The following LIN28B variants were observed in gnomAD, a reference collection of about 807,000 sequenced individuals.
LIN28B encodes the protein protein lin-28 homolog B.
LIN28B carries 5 observed loss-of-function variants against 21.9 expected under a neutral mutation model. The observed-to-expected ratio is 0.23, with a 90% CI of 0.12 to 0.48. The LOEUF is 0.48. Ranked by LOEUF, LIN28B falls within the 20% of genes least tolerant of loss-of-function variation. The probability of loss-of-function intolerance (pLI) is 0.98; values close to 1 mark genes in which losing one functional copy is unlikely to be tolerated. For synonymous variants in LIN28B, 109 were observed against 111.3 expected (o/e 0.98, Z 0.13); for missense variants, 245 against 310.5 (o/e 0.79, Z 1.58).
At chr6:105,049,232 T>C (rs1014183963) in intron 3 of LIN28B, among the ~76,000 whole-genome samples, 2 of 152,212 alleles carry the variant, frequency 1.3e-5, no homozygotes, top group Non-Finnish European at 2.9e-5. Context: ...AAAGAGCATC[T>C]TTATTTCTGC....
At chr6:104,960,221 TATAC>T (rs1185586989) in intron 2 of LIN28B, among the ~76,000 whole-genome samples, 1 of 152,116 alleles carries the variant, frequency 6.6e-6, no homozygotes, top group Non-Finnish European at 1.5e-5. Context: ...TATATTGTAA[TATAC>T]ATAAATTGTA....
chr6:105,044,731 G>T (rs1055794113), intron 3 of LIN28B, among the ~76,000 whole-genome samples: 1 of 152,080 alleles, frequency 6.6e-6, no homozygotes, highest in African/African-American at 2.4e-5. Flanking sequence ...ATAGTTTTAG[G>T]GGTACAAGTG....
intron 2 of LIN28B, among the ~76,000 whole-genome samples, chr6:105,002,618 T>C (rs935772346): frequency 4.6e-5 from 7 of 152,220 alleles, no homozygotes; most frequent in African/African-American, 1.7e-4. Flanking sequence ...AGAGCAAATA[T>C]AGAACATATC....
chr6:105,027,178 ATACT>A (rs998532386), intron 3 of LIN28B, among the ~76,000 whole-genome samples: 4 of 152,154 alleles, frequency 2.6e-5, no homozygotes, highest in African/African-American at 9.7e-5. Context: ...TTTAGGGTAA[ATACT>A]TAATAGTGAA....
rs1299586426 is a variant in LIN28B at position 104,960,563 on chromosome 6, T to C, written c.198+2277T>C. On this transcript the variant is annotated intron_variant, in intron 2 of 3. Transcript: ENST00000345080. The stretch of plus-strand genomic sequence containing the variant: ...ATGTCTACTCAAAATTTTTAAAATA[T>C]ATGACATAGTTTTTTTTGAAGTGTT... Among the ~76,000 whole-genome samples, 4 of 152,098 alleles carry C rather than the reference T, an allele frequency of 2.6e-5. No individual in the cohort carries two copies. The East Asian group carries it at 7.7e-4, about 29-fold the overall frequency.
chr6:104,939,369 C>T (rs1286519831), intron 2 of LIN28B: 2 of 152,256 alleles, frequency 1.3e-5, no homozygotes. Context: ...GGTATTCACT[C>T]CACTAGCTCA....
At chr6:104,972,007 G>C (rs924482119) in intron 2 of LIN28B, among the ~76,000 whole-genome samples, 1 of 152,056 alleles carries the variant, frequency 6.6e-6, no homozygotes, top group African/African-American at 2.4e-5. Flanking sequence ...GTCTTGCTCT[G>C]TCTCCCAGGC....
At chr6:105,029,556 G>T (rs149178078) in intron 3 of LIN28B, among the ~76,000 whole-genome samples, 86 of 152,156 alleles carry the variant, frequency 5.7e-4, no homozygotes, top group African/African-American at 2.0e-3. Context: ...TTGAAGCACG[G>T]TCATCAACTG....
At chr6:105,058,018 C>A in intron 3 of LIN28B, 1 of 373,262 alleles carries the variant, frequency 2.7e-6, no homozygotes, top group Non-Finnish European at 5.2e-6. Flanking sequence ...ATTATTTTGT[C>A]TTTTATGATT....
chr6:105,017,322 C>G (rs1771050735), intron 2 of LIN28B, among the ~76,000 whole-genome samples: 1 of 152,060 alleles, frequency 6.6e-6, no homozygotes, highest in Admixed American at 6.6e-5. Flanking sequence ...TGAAAGCATT[C>G]AGCACAGTAC....
At chr6:104,957,093 G>A (rs1396338305), upstream of LIN28B, 10 of 1,536,144 alleles carry the variant, frequency 6.5e-6, no homozygotes, top group African/African-American at 1.4e-5. Flanking sequence ...ACTGGAGAGA[G>A]GAGAGAAAAA....
chr6:105,025,603 C>T (rs1408135363), intron 2 of LIN28B, among the ~76,000 whole-genome samples: 1 of 152,118 alleles, frequency 6.6e-6, no homozygotes, highest in Non-Finnish European at 1.5e-5. Context: ...CAGACCACAT[C>T]TCTATATAAT....
At chr6:105,073,636 TA>T (rs1254555338) in intron 3 of LIN28B, among the ~76,000 whole-genome samples, 3 of 152,312 alleles carry the variant, frequency 2.0e-5, no homozygotes, top group Admixed American at 2.0e-4. Context: ...TATAAATTCT[TA>T]TTAACTTAAA....
At chr6:104,994,552 T>A (rs1038810729) in intron 2 of LIN28B, among the ~76,000 whole-genome samples, 8 of 152,222 alleles carry the variant, frequency 5.3e-5, no homozygotes, top group African/African-American at 1.9e-4. Flanking sequence ...TAGATCCTGT[T>A]GGGAAAATTT....
chr6:105,026,306 A>C lies in LIN28B; in HGVS notation c.207A>C (p.Leu69=), dbSNP rs1771286125. The change falls in exon 3 of 4, where the codon CTA becomes CTC. Residue 69 remains leucine, a synonymous_variant. Transcript: ENST00000345080. ...TCTTCTGCTCTTTACAGAGCAAACTATTCATGGAAGGATTTAGAAGCCTAA... is the reference window on the plus strand; with the variant it reads ...TCTTCTGCTCTTTACAGAGCAAACTCTTCATGGAAGGATTTAGAAGCCTAA... The part of the protein sequence containing the change: ...PVDVFVHQSK[L]FMEGFRSLKE... The C allele has an allele frequency of 6.3e-7, 1 of 1,598,872 alleles. No individual in the cohort carries two copies. Among genetic ancestry groups the C allele is most frequent in the Non-Finnish European group, 8.5e-7 (1 of 1,173,526 alleles).
intron 2 of LIN28B, among the ~76,000 whole-genome samples, chr6:104,966,450 A>G (rs1769860782): frequency 6.6e-6 from 1 of 151,932 alleles, no homozygotes; most frequent in African/African-American, 2.4e-5. Context: ...TTTTAATTAT[A>G]AGAGTTTTTC....
chr6:105,075,448 G>A (rs896249728), intron 3 of LIN28B, among the ~76,000 whole-genome samples: 4 of 152,224 alleles, frequency 2.6e-5, no homozygotes, highest in Admixed American at 2.6e-4. Flanking sequence ...CTCTTAGTAA[G>A]AGTGATTGAC....
At chr6:105,028,779 A>C (rs1195514000) in intron 3 of LIN28B, among the ~76,000 whole-genome samples, 1 of 152,212 alleles carries the variant, frequency 6.6e-6, no homozygotes, top group Non-Finnish European at 1.5e-5. Flanking sequence ...TGGAGTTAAA[A>C]AATTGGCAAC....
intron 2 of LIN28B, among the ~76,000 whole-genome samples, chr6:104,985,192 A>G (rs1770310095): frequency 6.6e-6 from 1 of 152,210 alleles, no homozygotes; most frequent in South Asian, 2.1e-4. Context: ...GGACTAACAA[A>G]TGAGAGATTA....
Sources: gnomAD v4.1 joint callset for allele counts (sites outside exome capture counted in the v4.1 genomes callset) on GRCh38, gnomAD v4.1.1 for gene constraint, MANE v1.5 for transcripts, NCBI Gene and HGNC (gene_info 2026-07-23, HGNC 2026-07-21) for gene names.